The following SNTG1 variants were observed in gnomAD, a reference collection of about 807,000 sequenced individuals.
SNTG1 encodes the protein syntrophin gamma 1, also known as gamma-1-syntrophin.
In SNTG1, 39 loss-of-function variants were observed where a neutral mutation model predicts 74.7. That is an observed-to-expected ratio of 0.52 (90% CI 0.40 to 0.68). The LOEUF (loss-of-function observed/expected upper bound fraction) is 0.68. Among genes scored for constraint, SNTG1 ranks in the 30% least tolerant of loss-of-function variants. The pLI is 0.00. For synonymous variants in SNTG1, 254 were observed against 217.1 expected, an observed-to-expected ratio of 1.17 and a Z score of -1.49; for missense variants, 685 against 609.5, an observed-to-expected ratio of 1.12 and a Z score of -1.30.
chr8:50,771,339 G>A (rs900155839), intron 18 of SNTG1, among the ~76,000 whole-genome samples: 6 of 152,100 alleles, frequency 3.9e-5, no homozygotes, highest in Admixed American at 3.9e-4. Context: ...CAAAGAACCT[G>A]ACTGCATTAT....
At chr8:50,101,840 A>T (rs894052369) in intron 1 of SNTG1, among the ~76,000 whole-genome samples, 29 of 152,196 alleles carry the variant, frequency 1.9e-4, no homozygotes, top group Non-Finnish European at 4.0e-4. Context: ...TAGTTTACTG[A>T]GAATGAAGAT....
intron 15 of SNTG1, among the ~76,000 whole-genome samples, chr8:50,661,869 A>G (rs2095225624): frequency 6.6e-6 from 1 of 152,178 alleles, no homozygotes; most frequent in East Asian, 1.9e-4. Flanking sequence ...AGTAAGTACA[A>G]TGCTGGTGCT....
At chr8:50,205,987 G>T (rs956123508) in intron 2 of SNTG1, among the ~76,000 whole-genome samples, 1 of 152,258 alleles carries the variant, frequency 6.6e-6, no homozygotes, top group South Asian at 2.1e-4. Context: ...AGTATAGTTT[G>T]AAGTCAGGTA....
intron 8 of SNTG1, chr8:50,490,836 T>G (rs2131879474): frequency 6.5e-6 from 1 of 152,756 alleles, no homozygotes; most frequent in South Asian, 2.1e-4. Flanking sequence ...GTCCTGAGAC[T>G]GCCTTAGCTC....
At chr8:50,455,178 C>G (rs753935763) in intron 8 of SNTG1, among the ~76,000 whole-genome samples, 1 of 152,148 alleles carries the variant, frequency 6.6e-6, no homozygotes, top group Non-Finnish European at 1.5e-5. Context: ...CATCCTGGTT[C>G]TAATAGGATA....
chr8:50,350,839 C>T (rs1009714942), intron 2 of SNTG1, among the ~76,000 whole-genome samples: 3 of 152,312 alleles, frequency 2.0e-5, no homozygotes, highest in African/African-American at 7.2e-5. Context: ...ACGGACCAAT[C>T]AGCTCTCTGT....
chr8:50,644,989 C>T (rs1194330148), intron 13 of SNTG1, among the ~76,000 whole-genome samples: 1 of 150,588 alleles, frequency 6.6e-6, no homozygotes, highest in Non-Finnish European at 1.5e-5. Flanking sequence ...CGCGTAGGCT[C>T]AAGCGATCTG....
At chr8:50,017,659 A>G (rs2130640685) in intron 1 of SNTG1, among the ~76,000 whole-genome samples, 1 of 152,030 alleles carries the variant, frequency 6.6e-6, no homozygotes, top group Admixed American at 6.6e-5. Flanking sequence ...AAATGTTATA[A>G]GAGTCAAAAA....
At chr8:50,430,953 C>T (rs1053682220) in intron 4 of SNTG1, among the ~76,000 whole-genome samples, 15 of 152,164 alleles carry the variant, frequency 9.9e-5, no homozygotes, top group African/African-American at 2.4e-4. Context: ...AACCAGAATA[C>T]AGTTCCATGT....
chr8:50,057,137 C>T (rs1820092321), intron 1 of SNTG1, among the ~76,000 whole-genome samples: 1 of 152,100 alleles, frequency 6.6e-6, no homozygotes, highest in Non-Finnish European at 1.5e-5. Flanking sequence ...GACAGCCTCT[C>T]TCTATCATTT....
At chr8:50,103,249 G>A (rs545140857) in intron 1 of SNTG1, among the ~76,000 whole-genome samples, 8 of 152,302 alleles carry the variant, frequency 5.3e-5, no homozygotes, top group Admixed American at 2.0e-4. Context: ...GCAGTGGTTT[G>A]TAGTTCTTCT....
chr8:50,628,884 A>T (rs1177431156), intron 13 of SNTG1, among the ~76,000 whole-genome samples: 1 of 152,188 alleles, frequency 6.6e-6, no homozygotes, highest in African/African-American at 2.4e-5. Flanking sequence ...AACATGTAGA[A>T]TATTACCAGA....
chr8:50,425,811 T>C (rs1000928602), intron 4 of SNTG1, among the ~76,000 whole-genome samples: 16 of 152,160 alleles, frequency 1.1e-4, no homozygotes, highest in African/African-American at 3.1e-4. Flanking sequence ...GGGTGACGTT[T>C]GAATCAAGGA....
chr8:49,992,380 A>G (rs931244524), intron 1 of SNTG1, among the ~76,000 whole-genome samples: 3 of 152,222 alleles, frequency 2.0e-5, no homozygotes, highest in Admixed American at 6.5e-5. Context: ...AATTTTGCAT[A>G]TTAAGAGTCC....
chr8:50,447,315 C>G (rs2093416354), intron 5 of SNTG1, among the ~76,000 whole-genome samples: 1 of 152,138 alleles, frequency 6.6e-6, no homozygotes, highest in Admixed American at 6.5e-5. Flanking sequence ...AATGCAAAAA[C>G]AGCTGAAGGA....
At chr8:50,601,483 A>G (rs976716648) in intron 13 of SNTG1, among the ~76,000 whole-genome samples, 1 of 152,162 alleles carries the variant, frequency 6.6e-6, no homozygotes, top group Admixed American at 6.5e-5. Context: ...CAGTCAGAGA[A>G]AATGCTTGAG....
chr8:50,599,573 A>G (rs2094757675), intron 13 of SNTG1, among the ~76,000 whole-genome samples: 1 of 151,572 alleles, frequency 6.6e-6, no homozygotes, highest in African/African-American at 2.4e-5. Flanking sequence ...GTGATCTTTC[A>G]TTTCTTTGTT....
chr8:50,538,705 G>T (rs554964960), intron 11 of SNTG1, among the ~76,000 whole-genome samples: 1 of 151,848 alleles, frequency 6.6e-6, no homozygotes, highest in South Asian at 2.1e-4. Flanking sequence ...TGCTTCTTAA[G>T]TCTGTATGAT....
chr8:49,959,356 A>G (rs1810476487), intron 1 of SNTG1, among the ~76,000 whole-genome samples: 1 of 152,212 alleles, frequency 6.6e-6, no homozygotes, highest in Non-Finnish European at 1.5e-5. Flanking sequence ...TGGAGCCCTC[A>G]GTTTATGGGA....
Sources: allele counts gnomAD v4.1 joint callset (sites outside exome capture counted in the v4.1 genomes callset), GRCh38; gene constraint gnomAD v4.1.1; transcripts MANE v1.5; gene names NCBI Gene and HGNC (gene_info 2026-07-23, HGNC 2026-07-21).